The following UGT1A9 variants were observed in gnomAD, a reference collection of about 807,000 sequenced individuals.
UGT1A9 encodes the protein UDP-glucuronosyltransferase 1A9.
Under a neutral mutation model 45.0 loss-of-function variants are expected in UGT1A9, and 35 were observed. The observed-to-expected ratio is 0.78, with a 90% CI of 0.59 to 1.03. The LOEUF is 1.03. UGT1A9 is among the 50% of genes least tolerant of loss of function. UGT1A9 has a pLI of 0.00. For synonymous variants in UGT1A9, 278 were observed against 250.6 expected, an observed-to-expected ratio of 1.11 and a Z score of -1.03; for missense variants, 687 against 666.6, an observed-to-expected ratio of 1.03 and a Z score of -0.34.
intron 1 of UGT1A9, among the ~76,000 whole-genome samples, chr2:233,686,447 C>T (rs759109089): frequency 5.9e-5 from 9 of 152,118 alleles, no homozygotes; most frequent in Non-Finnish European, 1.3e-4. Flanking sequence ...TGGAGGCTCT[C>T]CCATGAAACA....
chr2:233,710,591 C>T (rs188029581), intron 1 of UGT1A9, among the ~76,000 whole-genome samples: 9 of 152,216 alleles, frequency 5.9e-5, no homozygotes, highest in Non-Finnish European at 1.3e-4. Flanking sequence ...CTTCCGCACA[C>T]CTTTATTGGT....
chr2:233,682,717 G>C lies in UGT1A9; in HGVS notation c.855+9928G>C, dbSNP rs554895983. ...TGTTGCGAACTGACTTTGTTTTGGA[G>C]TATCCCAAACCCGTGATGCCCAATA... On this transcript the variant is annotated intron_variant, in intron 1 of 4. Transcript: ENST00000354728. 47 of 1,613,854 alleles carry C rather than the reference G, an allele frequency of 2.9e-5. No individual in the cohort carries two copies. The highest frequency in any genetic ancestry group is 1.7e-4 in the Middle Eastern group (1 of 6,054).
At chr2:233,766,444 G>A (rs1260169711) in intron 1 of UGT1A9, among the ~76,000 whole-genome samples, 1 of 152,210 alleles carries the variant, frequency 6.6e-6, no homozygotes, top group African/African-American at 2.4e-5. Context: ...CTGTGTGTCT[G>A]CCTGCTAGGG....
intron 1 of UGT1A9, among the ~76,000 whole-genome samples, chr2:233,679,692 CT>C (rs1440925229): frequency 6.6e-6 from 1 of 152,112 alleles, no homozygotes; most frequent in Non-Finnish European, 1.5e-5. Flanking sequence ...TTGGCAGAGG[CT>C]GGTTCTCCTG....
chr2:233,765,202 C>T (rs139573386), intron 1 of UGT1A9, among the ~76,000 whole-genome samples: 1 of 152,246 alleles, frequency 6.6e-6, no homozygotes, highest in Non-Finnish European at 1.5e-5. Flanking sequence ...CATATTAGTG[C>T]CCTCAGTATT....
chr2:233,734,383 T>C (rs1334676170), intron 1 of UGT1A9, among the ~76,000 whole-genome samples: 1 of 152,214 alleles, frequency 6.6e-6, no homozygotes, highest in African/African-American at 2.4e-5. Context: ...GCCTTTACTA[T>C]TTTTTATTGC....
intron 1 of UGT1A9, chr2:233,713,074 G>A (rs2076276238): frequency 3.1e-6 from 5 of 1,614,210 alleles, no homozygotes; most frequent in South Asian, 1.1e-5. Flanking sequence ...TGGGCTGAGA[G>A]TGGGAAGGTG....
rs114982090 is a variant in UGT1A9, at chr2:233,772,309, C to T, written c.1343C>T (p.Pro448Leu). The T allele has an allele frequency of 2.3e-4, 377 of 1,614,206 alleles. No individual in the cohort carries two copies. The East Asian group carries it at 3.1e-3, about 13-fold the overall frequency. ...MRLSSLHKDR[P>L]VEPLDLAVFW... Reference sequence around the variant, plus strand: ...CTCTCCAGCCTTCACAAGGACCGCCCGGTGGAGCCGCTGGACCTGGCCGTG... The same window carrying T: ...CTCTCCAGCCTTCACAAGGACCGCCTGGTGGAGCCGCTGGACCTGGCCGTG... The change falls in exon 5 of 5, where the codon CCG becomes CTG. Residue 448 changes from proline (P) to leucine (L), a missense_variant. Pro to Leu is a moderately conservative substitution (Grantham distance 98). Coordinates refer to ENST00000354728, the MANE Select transcript of UGT1A9 (RefSeq NM_021027.3).
At position 233,713,658 on chromosome 2, in the gene UGT1A9, C is replaced by A. The variant is rs376312935; in HGVS notation, c.855+40869C>A. 1.7e-5 allele frequency: 27 copies of A among 1,613,822 alleles called. No individual in the cohort carries two copies. Among genetic ancestry groups the A allele is most frequent in the African/African-American group, 2.7e-5 (2 of 74,924 alleles). ...GCTCTACCCTCTGGCCCTGTCCTAC[C>A]TTTGCCATGCTGTTTCTGCTCCTTA... On this transcript the variant is annotated intron_variant, in intron 1 of 4. Coordinates refer to ENST00000354728, the MANE Select transcript of UGT1A9 (RefSeq NM_021027.3).
At chr2:233,701,446 G>T (rs1417753251) in intron 1 of UGT1A9, among the ~76,000 whole-genome samples, 5 of 152,056 alleles carry the variant, frequency 3.3e-5, no homozygotes, top group Non-Finnish European at 7.4e-5. Context: ...GAGACAGAAA[G>T]TTAACAAGGA....
intron 1 of UGT1A9, among the ~76,000 whole-genome samples, chr2:233,673,584 A>T (rs1259328200): frequency 6.6e-6 from 1 of 152,204 alleles, no homozygotes; most frequent in Non-Finnish European, 1.5e-5. Context: ...CTGTTCAGGA[A>T]TATGTATGTC....
At chr2:233,765,068 C>T (rs1698740394) in intron 1 of UGT1A9, among the ~76,000 whole-genome samples, 1 of 152,072 alleles carries the variant, frequency 6.6e-6, no homozygotes. Flanking sequence ...TCAGAGGTCT[C>T]CTGTGTCTCA....
intron 1 of UGT1A9, among the ~76,000 whole-genome samples, chr2:233,715,001 C>T (rs1309641293): frequency 6.6e-6 from 1 of 152,178 alleles, no homozygotes; most frequent in South Asian, 2.1e-4. Flanking sequence ...CTCAGCCTCC[C>T]AAGTAGCTGG....
chr2:233,749,292 A>T (rs1326160420), intron 1 of UGT1A9, among the ~76,000 whole-genome samples: 1 of 151,992 alleles, frequency 6.6e-6, no homozygotes, highest in Admixed American at 6.5e-5. Flanking sequence ...GTAGTTATTC[A>T]ATTATAAAAT....
intron 1 of UGT1A9, among the ~76,000 whole-genome samples, chr2:233,764,460 T>C (rs1698566935): frequency 6.6e-6 from 1 of 152,182 alleles, no homozygotes; most frequent in East Asian, 1.9e-4. Flanking sequence ...ACTTTCGTGA[T>C]CTCCTGCTAT....
At chr2:233,681,752 G>C (rs2074537408) in intron 1 of UGT1A9, 2 of 838,916 alleles carry the variant, frequency 2.4e-6, no homozygotes, top group African/African-American at 1.8e-5. Context: ...ATATAAGCAG[G>C]TATCTCAGCA....
chr2:233,717,168 T>C (rs1307662395), intron 1 of UGT1A9, among the ~76,000 whole-genome samples: 1 of 152,206 alleles, frequency 6.6e-6, no homozygotes, highest in Non-Finnish European at 1.5e-5. Context: ...GCCCCTTGAA[T>C]GTGGCAAGAG....
At chr2:233,750,117 G>T (rs1441169579) in intron 1 of UGT1A9, among the ~76,000 whole-genome samples, 2 of 151,904 alleles carry the variant, frequency 1.3e-5, no homozygotes, top group East Asian at 1.9e-4. Flanking sequence ...AAGACAGGAA[G>T]ATGTGGGAAA....
intron 1 of UGT1A9, chr2:233,712,866 G>T (rs1236935374): frequency 6.4e-7 from 1 of 1,573,916 alleles, no homozygotes; most frequent in Non-Finnish European, 8.6e-7. Context: ...CTGGAGGAGG[G>T]CACTCTGTCT....
Sources: gnomAD v4.1 joint callset for allele counts (sites outside exome capture counted in the v4.1 genomes callset) on GRCh38, gnomAD v4.1.1 for gene constraint, MANE v1.5 for transcripts, NCBI Gene and HGNC (gene_info 2026-07-23, HGNC 2026-07-21) for gene names.